The following LMBR1L variants were observed in gnomAD, a reference collection of about 807,000 sequenced individuals.
LMBR1L encodes protein LMBR1L.
Under a neutral mutation model 67.3 loss-of-function variants are expected in LMBR1L, and 47 were observed. The ratio of observed to expected loss-of-function variants is 0.70; its 90% confidence interval spans 0.55 to 0.89. LMBR1L has a LOEUF of 0.89. Ranked by LOEUF, LMBR1L falls within the 40% of genes least tolerant of loss-of-function variation. The pLI is 0.00. For synonymous variants in LMBR1L, 247 were observed against 250.3 expected, an observed-to-expected ratio of 0.99 and a Z score of 0.13; for missense variants, 533 against 599.2, an observed-to-expected ratio of 0.89 and a Z score of 1.15.
intron 3 of LMBR1L, 88 bp from the exon 4 acceptor site, chr12:49,104,973 T>A: frequency 7.0e-7 from 1 of 1,424,210 alleles, no homozygotes; most frequent in African/African-American, 1.4e-5. Flanking sequence ...AGGGCGCCTG[T>A]GGCTTCCAGA....
Position 49,106,521 on chromosome 12 carries a change from C to T in LMBR1L, c.157+440G>A, listed in dbSNP as rs186652106. On this transcript the variant is annotated intron_variant, in intron 2 of 16. Transcript: ENST00000267102. ...GCGATCTGAGCATACTCAGGCTCCCCATAAAGAGAAAGGCCACCATCACCA... is the reference window on the plus strand; with the variant it reads ...GCGATCTGAGCATACTCAGGCTCCCTATAAAGAGAAAGGCCACCATCACCA... 2.9e-5 allele frequency: 36 copies of T among 1,254,124 alleles called. No homozygotes were observed. The Admixed American group carries it at 6.0e-4, about 21-fold the overall frequency. 77.7% of individuals were successfully genotyped at this position (1,254,124 alleles called of 1,614,324 possible).
chr12:49,102,807 C>A, intron 8 of LMBR1L, 80 bp downstream of exon 8: 1 of 1,339,916 alleles, frequency 7.5e-7, no homozygotes, highest in South Asian at 1.2e-5. Context: ...ACTACACAAC[C>A]ATAGGGTTGT....
chr12:49,100,095 T>C (rs896248694), intron 15 of LMBR1L, among the ~76,000 whole-genome samples: 1 of 152,156 alleles, frequency 6.6e-6, no homozygotes, highest in Non-Finnish European at 1.5e-5. Context: ...ATAGGAACAT[T>C]TACTAGATTA....
chr12:49,103,863 G>C (rs1188793326), intron 5 of LMBR1L, 50 bp from the exon 6 acceptor site: 1 of 1,542,200 alleles, frequency 6.5e-7, no homozygotes, highest in African/African-American at 1.4e-5. Flanking sequence ...GGCAGTGTGG[G>C]AACATTGGAG....
At chr12:49,101,089 C>G (rs1435289318) in intron 13 of LMBR1L, 161 bp downstream of exon 13, 1 of 1,482,616 alleles carries the variant, frequency 6.7e-7, no homozygotes, top group Non-Finnish European at 9.0e-7. Flanking sequence ...CAAATTAAGT[C>G]TTTTCCTTCT....
rs756295374 is a variant in LMBR1L at position 49,105,992 on chromosome 12, G to A, written c.158-35C>T. The A allele has an allele frequency of 3.8e-5, 61 of 1,597,702 alleles. 1 individual carries two copies. In the Middle Eastern group the frequency reaches 6.6e-4, roughly 17 times the overall value. Reference sequence around the variant, plus strand: ...ACAGAGGCACGGGGAACAGGCAGGAGGACATCAGGGGGCAGCTCTGAGGCC... The same window carrying A: ...ACAGAGGCACGGGGAACAGGCAGGAAGACATCAGGGGGCAGCTCTGAGGCC... On this transcript the variant is annotated intron_variant, in intron 2 of 16. Coordinates refer to ENST00000267102, the MANE Select transcript of LMBR1L (RefSeq NM_018113.4).
In LMBR1L at chr12:49,110,785, C is replaced by A. The variant is rs1047308061; in HGVS notation, c.-230G>T. ...AAGGGCTCTGTCCTCCCTTTGCTCC[C>A]CACTCTTTAAGGTCGGGTCGCGCTC... On this transcript the variant is annotated 5_prime_UTR_variant, in exon 1 of 17. Coordinates refer to ENST00000267102, the MANE Select transcript of LMBR1L (RefSeq NM_018113.4). 16 of 559,004 alleles carry A rather than the reference C, an allele frequency of 2.9e-5. No homozygotes were observed. The highest frequency in any genetic ancestry group is 2.8e-4 in the African/African-American group (15 of 52,904). The allele number at this position is 559,004 out of a possible 1,614,324, so 34.6% of individuals were successfully genotyped here. A position where few individuals can be genotyped will look rare whatever the true frequency, so the allele number is the denominator to read the frequency against.
rs754408256 is a variant in LMBR1L, at chr12:49,110,595, C to G, written c.-40G>C. The stretch of plus-strand genomic sequence containing the variant: ...GACTGAAGCCGAGGTGCCTCTGGGC[C>G]CGGGGAGGACGAGCGGGGAGGAAGC... On this transcript the variant is annotated 5_prime_UTR_variant, in exon 1 of 17. Transcript: ENST00000267102. 6 of 1,589,012 alleles carry G rather than the reference C, an allele frequency of 3.8e-6. No individual in the cohort carries two copies. In the East Asian group the frequency reaches 1.3e-4, roughly 35 times the overall value.
At chr12:49,098,509 T>C (rs894546750) in intron 15 of LMBR1L, among the ~76,000 whole-genome samples, 16 of 152,216 alleles carry the variant, frequency 1.1e-4, no homozygotes, top group African/African-American at 3.9e-4. Context: ...CCTAACTAGC[T>C]GCGTGATCTG....
At chr12:49,101,827 G>A (rs1374308178) in intron 11 of LMBR1L, 1 of 579,578 alleles carries the variant, frequency 1.7e-6, no homozygotes, top group East Asian at 2.9e-5. Context: ...GAGTCCATAG[G>A]GGAATCGACT....
intron 13 of LMBR1L, 171 bp downstream of exon 13, chr12:49,101,079 C>CA (rs35472356): frequency 0.39 from 561,210 of 1,422,962 alleles, 116,470 homozygotes; most frequent in East Asian, 0.71. Context: ...GCCCTCCTTT[C>CA]AAATTAAGTC....
intron 6 of LMBR1L, 29 bp downstream of exon 6, chr12:49,103,658 T>G (rs1043094975): frequency 6.3e-7 from 1 of 1,596,606 alleles, no homozygotes; most frequent in South Asian, 1.1e-5. Flanking sequence ...TGAAAAGCCA[T>G]GCAGCCTGGA....
intron 1 of LMBR1L, among the ~76,000 whole-genome samples, chr12:49,109,305 T>A (rs1941275626): frequency 6.6e-6 from 1 of 152,088 alleles, no homozygotes; most frequent in Non-Finnish European, 1.5e-5. Context: ...AAGGCCTGGG[T>A]GTGCCTCTGC....
chr12:49,101,424 T>C, intron 12 of LMBR1L, 48 bp downstream of exon 12: 1 of 1,608,298 alleles, frequency 6.2e-7, no homozygotes, highest in African/African-American at 1.3e-5. Flanking sequence ...TCTCCCCAGC[T>C]GTTCTTAGGC....
chr12:49,097,822 G>A (rs915615257), intron 16 of LMBR1L, 83 bp from the exon 17 acceptor site: 1 of 1,601,226 alleles, frequency 6.2e-7, no homozygotes, highest in African/African-American at 1.3e-5. Context: ...CAGAATGTGT[G>A]GATGAGGTAC....
At chr12:49,100,348 A>G (rs1466955237) in intron 15 of LMBR1L, 40 bp downstream of exon 15, 37 of 1,554,836 alleles carry the variant, frequency 2.4e-5, no homozygotes, top group Non-Finnish European at 3.1e-5. Context: ...TAAGTACTCA[A>G]AAAAATCCAA....
chr12:49,104,718 C>T, intron 4 of LMBR1L, 28 bp downstream of exon 4: 1 of 1,612,490 alleles, frequency 6.2e-7, no homozygotes, highest in Non-Finnish European at 8.5e-7. Context: ...CCTATCCCTA[C>T]CCCAAGCAGC....
chr12:49,100,475 G>C (rs374969605), intron 14 of LMBR1L, 21 bp from the exon 15 acceptor site: 1 of 1,612,496 alleles, frequency 6.2e-7, no homozygotes, highest in Non-Finnish European at 8.5e-7. Context: ...GCAGGGAAAG[G>C]AGAGGTGAGG....
intron 12 of LMBR1L, 54 bp downstream of exon 12, chr12:49,101,418 C>T (rs774919734): frequency 6.2e-7 from 1 of 1,606,250 alleles, no homozygotes; most frequent in South Asian, 1.1e-5. Flanking sequence ...GCCTCCTCTC[C>T]CCAGCTGTTC....
Sources: allele counts gnomAD v4.1 joint callset (sites outside exome capture counted in the v4.1 genomes callset), GRCh38; gene constraint gnomAD v4.1.1; transcripts MANE v1.5; gene names NCBI Gene and HGNC (gene_info 2026-07-23, HGNC 2026-07-21).